The following ST6GALNAC5 variants were observed in gnomAD, a reference collection of about 807,000 sequenced individuals.
The protein encoded by ST6GALNAC5 is alpha-N-acetylgalactosaminide alpha-2,6-sialyltransferase 5.
In ST6GALNAC5, 27 loss-of-function variants were observed where a neutral mutation model predicts 33.6. The observed-to-expected ratio is 0.80, with a 90% CI of 0.59 to 1.11. The LOEUF is 1.11. ST6GALNAC5 is among the 50% of genes least tolerant of loss of function. ST6GALNAC5 has a pLI of 0.00. For synonymous variants in ST6GALNAC5, 194 were observed against 171.2 expected (o/e 1.13, Z -1.04); for missense variants, 428 against 454.0 (o/e 0.94, Z 0.52).
chr1:76,877,443 G>A (rs1349545357), intron 2 of ST6GALNAC5, among the ~76,000 whole-genome samples: 1 of 152,130 alleles, frequency 6.6e-6, no homozygotes, highest in African/African-American at 2.4e-5. Flanking sequence ...ACTCAAATGA[G>A]GAATGTGTTG....
rs1259588240 is a variant in ST6GALNAC5, at chr1:76,991,887, T to G, written c.262-52317T>G. Among the ~76,000 whole-genome samples, 8 of 152,120 alleles carry G rather than the reference T, an allele frequency of 5.3e-5. No individual in the cohort carries two copies. In the East Asian group the frequency reaches 1.5e-3, roughly 29 times the overall value. On this transcript the variant is annotated intron_variant, in intron 2 of 4. Coordinates refer to ENST00000477717, the MANE Select transcript of ST6GALNAC5 (RefSeq NM_030965.3). ...CACAGACACCCTGCCTATTCCTGAATTCTCAAACTTTTAAAATATTTCATG... is the reference window on the plus strand; with the variant it reads ...CACAGACACCCTGCCTATTCCTGAAGTCTCAAACTTTTAAAATATTTCATG...
chr1:76,958,410 G>A (rs1216867516), intron 2 of ST6GALNAC5, among the ~76,000 whole-genome samples: 4 of 152,140 alleles, frequency 2.6e-5, no homozygotes, highest in Non-Finnish European at 4.4e-5. Context: ...CTGCTGAAAT[G>A]TTTTGACTCT....
chr1:77,065,959 G>GGAATTT lies in ST6GALNAC5; in HGVS notation c.*2755_*2760dup, dbSNP rs1652765738. Among the ~76,000 whole-genome samples the GGAATTT allele has an allele frequency of 6.6e-6, 1 of 152,100 alleles. No individual in the cohort carries two copies. The highest frequency in any genetic ancestry group is 6.6e-5 in the Admixed American group (1 of 15,250). On this transcript the variant is annotated 3_prime_UTR_variant, in exon 5 of 5. Coordinates refer to ENST00000477717, the MANE Select transcript of ST6GALNAC5 (RefSeq NM_030965.3). ...GATAGCCATTATGGGCAAAGATACG[G>GGAATTT]GAATTTGCAAACAAAATCAATCACT...
intron 2 of ST6GALNAC5, among the ~76,000 whole-genome samples, chr1:77,023,782 T>C (rs1049395779): frequency 6.6e-5 from 10 of 152,106 alleles, no homozygotes; most frequent in Non-Finnish European, 1.0e-4. Context: ...CTGGTAGAAC[T>C]GGGTCATTGT....
intron 2 of ST6GALNAC5, among the ~76,000 whole-genome samples, chr1:76,872,699 C>T (rs911051086): frequency 3.3e-5 from 5 of 152,102 alleles, no homozygotes; most frequent in Admixed American, 2.0e-4. Flanking sequence ...CACAAGTTTA[C>T]ATAATTTATT....
In ST6GALNAC5 at chr1:77,066,467, G is replaced by T. The variant is rs991009552; in HGVS notation, c.*3261G>T. 2.0e-5 allele frequency among the ~76,000 whole-genome samples: 3 copies of T among 152,088 alleles called. No individual in the cohort carries two copies. Among genetic ancestry groups the T allele is most frequent in the African/African-American group, 7.2e-5 (3 of 41,400 alleles). Reference sequence around the variant, plus strand: ...ACTCCCCTCAAAAATTAAAATTACCGACTTAGAAGATGATAAATGCTAAGT... The same window carrying T: ...ACTCCCCTCAAAAATTAAAATTACCTACTTAGAAGATGATAAATGCTAAGT... On this transcript the variant is annotated 3_prime_UTR_variant, in exon 5 of 5. Coordinates refer to ENST00000477717, the MANE Select transcript of ST6GALNAC5 (RefSeq NM_030965.3).
At chr1:76,984,968 T>G (rs1158405651) in intron 2 of ST6GALNAC5, among the ~76,000 whole-genome samples, 1 of 152,168 alleles carries the variant, frequency 6.6e-6, no homozygotes, top group African/African-American at 2.4e-5. Context: ...TTCAACAGCT[T>G]TCTTGCTAAA....
intron 2 of ST6GALNAC5, among the ~76,000 whole-genome samples, chr1:76,961,057 T>C (rs1246989669): frequency 6.6e-6 from 1 of 152,160 alleles, no homozygotes; most frequent in East Asian, 1.9e-4. Flanking sequence ...ATCTTCACAA[T>C]TTATGTTCAG....
chr1:76,887,848 AT>A (rs1436799724), intron 2 of ST6GALNAC5, among the ~76,000 whole-genome samples: 1 of 151,790 alleles, frequency 6.6e-6, no homozygotes. Context: ...TGTGTATTTT[AT>A]TTTTTTGGCT....
At chr1:77,047,723 C>T (rs553141468) in intron 3 of ST6GALNAC5, among the ~76,000 whole-genome samples, 3 of 152,150 alleles carry the variant, frequency 2.0e-5, no homozygotes, top group South Asian at 4.2e-4. Context: ...ATAAAGGAAG[C>T]GTAAATGAAA....
intron 2 of ST6GALNAC5, among the ~76,000 whole-genome samples, chr1:76,950,226 T>G (rs1273399493): frequency 2.0e-5 from 3 of 152,150 alleles, no homozygotes; most frequent in Non-Finnish European, 4.4e-5. Context: ...AGGCCAGTGC[T>G]CTTGCACTCT....
At chr1:76,871,673 G>T (rs184373683) in intron 2 of ST6GALNAC5, among the ~76,000 whole-genome samples, 1 of 152,086 alleles carries the variant, frequency 6.6e-6, no homozygotes, top group African/African-American at 2.4e-5. Context: ...AGTGATGAGC[G>T]GCATGTGTTG....
At chr1:76,950,206 C>T (rs1280779084) in intron 2 of ST6GALNAC5, among the ~76,000 whole-genome samples, 1 of 152,136 alleles carries the variant, frequency 6.6e-6, no homozygotes, top group African/African-American at 2.4e-5. Flanking sequence ...TCTTCTGACT[C>T]CTGACTGTTA....
chr1:76,868,337 C>A lies in ST6GALNAC5; in HGVS notation c.16-160C>A, dbSNP rs959838097. ...GCATCCCTTGCGATACGCTAGGGGA[C>A]GGTGCTTTCTCTGTCCCAGTTGCGT... On this transcript the variant is annotated intron_variant, in intron 1 of 4. Transcript: ENST00000477717. This position sits in a 1 kb window ranked among gnomAD's most constrained non-coding sequence, Gnocchi z 4.3. 3.9e-5 allele frequency among the ~76,000 whole-genome samples: 6 copies of A among 152,036 alleles called. No homozygotes were observed. Among genetic ancestry groups the A allele is most frequent in the African/African-American group, 1.4e-4 (6 of 41,402 alleles).
chr1:76,949,873 G>A (rs1043154378), intron 2 of ST6GALNAC5, among the ~76,000 whole-genome samples: 15 of 152,106 alleles, frequency 9.9e-5, no homozygotes, highest in Non-Finnish European at 1.0e-4. Context: ...TACCAAAATG[G>A]AAAGAAAGTA....
At position 77,063,273 on chromosome 1, in the gene ST6GALNAC5, TGAGCCACCAGACAGGAAA is replaced by T; in HGVS notation, c.*69_*86del. ...TCAGACACCGAGACACTGAACTTCC[TGAGCCACCAGACAGGAAA>T]GGGTAGCAGAAAACAGCTTCACTCC... On this transcript the variant is annotated 3_prime_UTR_variant, in exon 5 of 5. Transcript: ENST00000477717. The T allele has an allele frequency of 6.9e-7, 1 of 1,441,114 alleles. No individual in the cohort carries two copies. The highest frequency in any genetic ancestry group is 9.7e-7 in the Non-Finnish European group (1 of 1,035,520). 89.3% of individuals were successfully genotyped at this position (1,441,114 alleles called of 1,614,324 possible). A position where few individuals can be genotyped will look rare whatever the true frequency, so the allele number is the denominator to read the frequency against.
intron 2 of ST6GALNAC5, among the ~76,000 whole-genome samples, chr1:76,977,829 TG>T (rs1649073406): frequency 6.6e-6 from 1 of 152,196 alleles, no homozygotes; most frequent in African/African-American, 2.4e-5. Flanking sequence ...TCATTTCCTT[TG>T]GATATATATA....
intron 3 of ST6GALNAC5, among the ~76,000 whole-genome samples, chr1:77,045,057 C>G (rs1030371713): frequency 3.9e-5 from 6 of 152,140 alleles, no homozygotes; most frequent in Admixed American, 3.3e-4. Flanking sequence ...CCTGGGGAAA[C>G]AGTCAAACAC....
At chr1:76,951,247 A>C (rs1224247868) in intron 2 of ST6GALNAC5, among the ~76,000 whole-genome samples, 1 of 152,164 alleles carries the variant, frequency 6.6e-6, no homozygotes, top group East Asian at 1.9e-4. Context: ...AACCTCCATC[A>C]CCACTTTAAA....
Sources: allele counts gnomAD v4.1 joint callset (sites outside exome capture counted in the v4.1 genomes callset), GRCh38; gene constraint gnomAD v4.1.1; non-coding constraint Gnocchi (gnomAD v3.1); transcripts MANE v1.5; gene names NCBI Gene and HGNC (gene_info 2026-07-23, HGNC 2026-07-21).